Variants in KLHL32 observed in about 807,000 individuals in gnomAD.
The protein encoded by KLHL32 is kelch-like protein 32.
KLHL32 carries 35 observed loss-of-function variants against 64.8 expected under a neutral mutation model. That is an observed-to-expected ratio of 0.54 (90% CI 0.41 to 0.72). The LOEUF (loss-of-function observed/expected upper bound fraction) is 0.72, where lower values mean the gene tolerates loss of function less well. Among genes scored for constraint, KLHL32 ranks in the 30% least tolerant of loss-of-function variants. The pLI, the probability that KLHL32 is intolerant of heterozygous loss-of-function variation, is 0.00. For synonymous variants in KLHL32, 259 were observed against 281.0 expected, an observed-to-expected ratio of 0.92 and a Z score of 0.78; for missense variants, 589 against 768.5, an observed-to-expected ratio of 0.77 and a Z score of 2.76.
chr6:96,997,859 A>T (rs1181323945), intron 3 of KLHL32, among the ~76,000 whole-genome samples: 1 of 152,170 alleles, frequency 6.6e-6, no homozygotes, highest in Non-Finnish European at 1.5e-5. Flanking sequence ...CCAACCAAAA[A>T]CAGCTTGAAG....
intron 3 of KLHL32, among the ~76,000 whole-genome samples, chr6:97,009,650 T>C (rs79238471): frequency 0.033 from 4,977 of 152,268 alleles, 252 homozygotes; most frequent in African/African-American, 0.11. Context: ...TTGAACATAA[T>C]TTGTTTACTA....
At chr6:97,112,757 T>G in intron 6 of KLHL32, among the ~76,000 whole-genome samples, 1 of 151,362 alleles carries the variant, frequency 6.6e-6, no homozygotes, top group African/African-American at 2.4e-5. Context: ...GATGAATTTT[T>G]TTAATTTTAA....
chr6:97,025,607 T>C (rs1782609273), intron 3 of KLHL32, among the ~76,000 whole-genome samples: 1 of 152,146 alleles, frequency 6.6e-6, no homozygotes, highest in African/African-American at 2.4e-5. Context: ...ACAGCCTGAT[T>C]CTGTTTGTCT....
intron 3 of KLHL32, among the ~76,000 whole-genome samples, chr6:97,011,768 G>A (rs1320760777): frequency 6.6e-6 from 1 of 152,174 alleles, no homozygotes; most frequent in Non-Finnish European, 1.5e-5. Context: ...ATGATGCAAG[G>A]ATAGGCCAGA....
intron 3 of KLHL32, among the ~76,000 whole-genome samples, chr6:96,989,816 T>A (rs1447498737): frequency 1.3e-5 from 2 of 152,222 alleles, no homozygotes; most frequent in Non-Finnish European, 2.9e-5. Context: ...TTTGGCTGAC[T>A]GAATTAGTTC....
chr6:97,045,151 T>C (rs554150714), intron 4 of KLHL32, among the ~76,000 whole-genome samples: 320 of 152,136 alleles, frequency 2.1e-3, no homozygotes, highest in Non-Finnish European at 3.8e-3. Flanking sequence ...AAATAAGCCA[T>C]TAATCAAGTA....
rs548506396 is a variant in KLHL32, at chr6:97,075,008, G to A, written c.412-10118G>A. Among the ~76,000 whole-genome samples the A allele has an allele frequency of 1.8e-4, 27 of 152,030 alleles. No homozygotes were observed. The East Asian group carries it at 3.9e-3, about 22-fold the overall frequency. ...GCCAGAATTATTAGTTATTGTTGAC[G>A]GCTATGTTTCACTTCCTCCCTACTA... On this transcript the variant is annotated intron_variant, in intron 5 of 10. Transcript: ENST00000369261.
At chr6:97,040,865 C>T (rs1258422156) in intron 3 of KLHL32, among the ~76,000 whole-genome samples, 1 of 152,194 alleles carries the variant, frequency 6.6e-6, no homozygotes, top group Non-Finnish European at 1.5e-5. Flanking sequence ...CGGCACTTCT[C>T]CTTTCTGCTG....
At chr6:97,097,484 A>G (rs940424043) in intron 6 of KLHL32, among the ~76,000 whole-genome samples, 3 of 152,146 alleles carry the variant, frequency 2.0e-5, no homozygotes, top group African/African-American at 4.8e-5. Context: ...TGGATATTGC[A>G]CGGATATAGT....
chr6:96,902,007 G>A, the KLHL32 span, among the ~76,000 whole-genome samples: 2 of 152,250 alleles, frequency 1.3e-5, no homozygotes, highest in East Asian at 1.9e-4. Context: ...TTGATTCCAT[G>A]TCTTTGCTAT....
intron 2 of KLHL32, among the ~76,000 whole-genome samples, chr6:96,972,076 T>G (rs1214538653): frequency 6.6e-6 from 1 of 152,144 alleles, no homozygotes; most frequent in African/African-American, 2.4e-5. Context: ...GGTCTTGAAC[T>G]CCTGACCTCA....
chr6:97,074,032 A>G (rs1791190805), intron 5 of KLHL32, among the ~76,000 whole-genome samples: 1 of 152,228 alleles, frequency 6.6e-6, no homozygotes, highest in Admixed American at 6.5e-5. Context: ...AACATTCAGT[A>G]TAACGTTTGC....
intron 3 of KLHL32, among the ~76,000 whole-genome samples, chr6:97,024,678 C>T (rs1263504243): frequency 6.6e-6 from 1 of 151,950 alleles, no homozygotes; most frequent in East Asian, 1.9e-4. Context: ...AGTTCATTGT[C>T]TTCATTATAG....
intron 5 of KLHL32, among the ~76,000 whole-genome samples, chr6:97,083,761 C>T (rs1469829045): frequency 6.6e-6 from 1 of 152,138 alleles, no homozygotes; most frequent in Non-Finnish European, 1.5e-5. Flanking sequence ...AGAAATGGCA[C>T]TCTTTCTATA....
chr6:97,064,660 G>A lies in KLHL32; in HGVS notation c.345G>A (p.Val115=), dbSNP rs1789429653. 2 of 1,614,126 alleles carry A rather than the reference G, an allele frequency of 1.2e-6. No homozygotes were observed. The highest frequency in any genetic ancestry group is 1.3e-5 in the African/African-American group (1 of 75,040). The change falls in exon 5 of 11, where the codon GTG becomes GTA. Residue 115 remains valine, a synonymous_variant. Transcript: ENST00000369261. ...ILLEPGVIQD[V]LAAGSHLQLL... is the part of the protein sequence containing the mutation. ...TGGAGCCAGGTGTGATCCAGGATGT[G>A]CTAGCAGCGGGCAGTCACCTACAGC...
At chr6:97,085,601 C>A (rs888951596) in intron 6 of KLHL32, among the ~76,000 whole-genome samples, 3 of 152,164 alleles carry the variant, frequency 2.0e-5, no homozygotes, top group Non-Finnish European at 4.4e-5. Flanking sequence ...CAGAACCTAA[C>A]GTGGTCACAT....
chr6:96,917,590 G>T, the KLHL32 span, among the ~76,000 whole-genome samples: 1 of 152,142 alleles, frequency 6.6e-6, no homozygotes, highest in Non-Finnish European at 1.5e-5. Context: ...CACAGAGGAG[G>T]CAATCCTATC....
intron 5 of KLHL32, among the ~76,000 whole-genome samples, chr6:97,066,074 AAATG>A (rs1365090938): frequency 6.6e-6 from 1 of 152,230 alleles, no homozygotes; most frequent in East Asian, 1.9e-4. Flanking sequence ...TGCCTGTAGC[AAATG>A]GGAATCATGT....
intron 3 of KLHL32, among the ~76,000 whole-genome samples, chr6:97,015,335 A>T (rs1262907788): frequency 6.6e-6 from 1 of 152,220 alleles, no homozygotes; most frequent in Non-Finnish European, 1.5e-5. Flanking sequence ...TGGAGGGCTC[A>T]GAAGAAGACA....
Sources: gnomAD v4.1 joint callset for allele counts (sites outside exome capture counted in the v4.1 genomes callset) on GRCh38, gnomAD v4.1.1 for gene constraint, MANE v1.5 for transcripts, NCBI Gene and HGNC (gene_info 2026-07-23, HGNC 2026-07-21) for gene names.